The following MYO5B variants were observed in gnomAD, a reference collection of about 807,000 sequenced individuals.
The protein encoded by MYO5B is unconventional myosin-Vb.
In MYO5B, 143 loss-of-function variants were observed where a neutral mutation model predicts 229.3. The observed-to-expected ratio is 0.62, with a 90% CI of 0.54 to 0.72. The LOEUF (loss-of-function observed/expected upper bound fraction) is 0.72, where lower values mean the gene tolerates loss of function less well. MYO5B is among the 30% of genes least tolerant of loss of function. The pLI, the probability that MYO5B is intolerant of heterozygous loss-of-function variation, is 0.00. For synonymous variants in MYO5B, 918 were observed against 885.2 expected (o/e 1.04, Z -0.66); for missense variants, 2,321 against 2,331.0 (o/e 1.00, Z 0.09).
intron 4 of MYO5B, among the ~76,000 whole-genome samples, chr18:50,006,588 A>G (rs1053007181): frequency 6.6e-6 from 1 of 152,206 alleles, no homozygotes; most frequent in Non-Finnish European, 1.5e-5. Context: ...CCCAGTTCAC[A>G]CTGGCCCCCC....
intron 2 of MYO5B, among the ~76,000 whole-genome samples, chr18:50,055,020 T>G (rs2030506959): frequency 6.6e-6 from 1 of 152,194 alleles, no homozygotes; most frequent in Non-Finnish European, 1.5e-5. Flanking sequence ...ATTCCTGCCT[T>G]GATCACCAAT....
At chr18:49,989,927 A>G (rs2025911120) in intron 7 of MYO5B, among the ~76,000 whole-genome samples, 1 of 152,196 alleles carries the variant, frequency 6.6e-6, no homozygotes, top group Non-Finnish European at 1.5e-5. Context: ...AGAGTCTCAC[A>G]TGCCAGAGCC....
intron 1 of MYO5B, among the ~76,000 whole-genome samples, chr18:50,077,284 A>G (rs1202386513): frequency 6.6e-6 from 1 of 151,792 alleles, no homozygotes; most frequent in Non-Finnish European, 1.5e-5. Context: ...TATGCGTTCA[A>G]GTTTGTATAA....
chr18:50,018,455 G>A (rs116608268), intron 4 of MYO5B, among the ~76,000 whole-genome samples: 1,757 of 152,120 alleles, frequency 0.012, 30 homozygotes, highest in African/African-American at 0.04. Flanking sequence ...AGAAGCCTTC[G>A]CAATCTTTAA....
rs555261837 is a variant in MYO5B, at chr18:50,101,105, C to T, written c.28-45727G>A. Among the ~76,000 whole-genome samples the T allele has an allele frequency of 1.8e-4, 28 of 152,300 alleles. No homozygotes were observed. The South Asian group carries it at 5.8e-3, about 32-fold the overall frequency. On this transcript the variant is annotated intron_variant, in intron 1 of 39. Coordinates refer to ENST00000285039, the MANE Select transcript of MYO5B (RefSeq NM_001080467.3). The stretch of plus-strand genomic sequence containing the variant: ...TAGCATACTGTATAGTTGAAGTTTG[C>T]TAAGAGGGTAGACCTTAAGTGTTCT...
chr18:49,890,369 T>C (rs1296936094), intron 22 of MYO5B, among the ~76,000 whole-genome samples: 1 of 99,666 alleles, frequency 1.0e-5, no homozygotes, highest in Non-Finnish European at 2.4e-5. Flanking sequence ...GCAGCTCCTT[T>C]TTTTGGACTG....
chr18:50,027,214 C>G (rs1471780282), intron 4 of MYO5B, among the ~76,000 whole-genome samples: 1 of 152,162 alleles, frequency 6.6e-6, no homozygotes, highest in Non-Finnish European at 1.5e-5. Context: ...CCTTGAAAAA[C>G]TAAATCCTAC....
chr18:50,047,774 T>C (rs1270159943), intron 2 of MYO5B, among the ~76,000 whole-genome samples: 1 of 151,742 alleles, frequency 6.6e-6, no homozygotes, highest in Non-Finnish European at 1.5e-5. Flanking sequence ...AAATGATGAG[T>C]TCATGTCCTT....
At chr18:50,120,289 G>C (rs953900900) in intron 1 of MYO5B, among the ~76,000 whole-genome samples, 1 of 152,214 alleles carries the variant, frequency 6.6e-6, no homozygotes, top group African/African-American at 2.4e-5. Context: ...GAGGTCTGAA[G>C]ACAATGTCTG....
intron 7 of MYO5B, among the ~76,000 whole-genome samples, chr18:49,987,277 A>C (rs989712765): frequency 6.6e-6 from 1 of 152,178 alleles, no homozygotes; most frequent in African/African-American, 2.4e-5. Context: ...ATCTGAAACC[A>C]ATCAAAATGA....
chr18:50,105,186 A>C (rs1440942158), intron 1 of MYO5B, among the ~76,000 whole-genome samples: 1 of 150,942 alleles, frequency 6.6e-6, no homozygotes, highest in Non-Finnish European at 1.5e-5. Context: ...GGTGTAAGCA[A>C]GAGGTCAAGG....
At chr18:49,864,427 C>T in intron 27 of MYO5B, 47 bp from the exon 28 acceptor site, 1 of 1,605,724 alleles carries the variant, frequency 6.2e-7, no homozygotes, top group Non-Finnish European at 8.5e-7. Context: ...TGCCCTAGGG[C>T]TCTCTCCCTG....
intron 8 of MYO5B, among the ~76,000 whole-genome samples, chr18:49,980,982 C>T (rs2025808233): frequency 6.6e-6 from 1 of 152,212 alleles, no homozygotes; most frequent in Non-Finnish European, 1.5e-5. Flanking sequence ...TGACACACAT[C>T]CCCAGTGCCA....
chr18:49,966,722 A>C (rs184045896), intron 10 of MYO5B, among the ~76,000 whole-genome samples: 145 of 152,328 alleles, frequency 9.5e-4, no homozygotes, highest in Middle Eastern at 6.8e-3. Context: ...CATTCTCATT[A>C]ATTTGAGATG....
At chr18:50,191,389 C>G (rs1023958704) in intron 1 of MYO5B, among the ~76,000 whole-genome samples, 1 of 152,182 alleles carries the variant, frequency 6.6e-6, no homozygotes, top group African/African-American at 2.4e-5. Context: ...GCCAACCCCT[C>G]ACACCAATGA....
intron 1 of MYO5B, among the ~76,000 whole-genome samples, chr18:50,064,979 G>A (rs2030782906): frequency 6.6e-6 from 1 of 152,084 alleles, no homozygotes; most frequent in African/African-American, 2.4e-5. Flanking sequence ...CTTGTATTTG[G>A]GTGCATGAGT....
At chr18:50,177,823 C>T (rs2033018151) in intron 1 of MYO5B, among the ~76,000 whole-genome samples, 1 of 152,206 alleles carries the variant, frequency 6.6e-6, no homozygotes, top group Admixed American at 6.5e-5. Flanking sequence ...CACACCCAGC[C>T]ACAGGGAATA....
intron 1 of MYO5B, among the ~76,000 whole-genome samples, chr18:50,126,719 C>T (rs976523209): frequency 3.9e-5 from 6 of 152,184 alleles, no homozygotes; most frequent in African/African-American, 1.4e-4. Context: ...AACAGCAGCA[C>T]AGCTCTCCAA....
At chr18:50,015,398 T>G (rs973272021) in intron 4 of MYO5B, among the ~76,000 whole-genome samples, 2 of 152,232 alleles carry the variant, frequency 1.3e-5, no homozygotes, top group Non-Finnish European at 2.9e-5. Flanking sequence ...TTGCTTGTTT[T>G]GCTTAAATTT....
Sources: gnomAD v4.1 joint callset for allele counts (sites outside exome capture counted in the v4.1 genomes callset) on GRCh38, gnomAD v4.1.1 for gene constraint, MANE v1.5 for transcripts, NCBI Gene and HGNC (gene_info 2026-07-23, HGNC 2026-07-21) for gene names.